Variants in TLR6 observed in about 807,000 individuals in gnomAD.
TLR6 encodes the protein toll like receptor 6, also known as toll-like receptor 6.
Under a neutral mutation model 16.1 loss-of-function variants are expected in TLR6, and 9 were observed. The ratio of observed to expected loss-of-function variants is 0.56; its 90% confidence interval spans 0.34 to 0.98. The LOEUF (loss-of-function observed/expected upper bound fraction) is 0.98, where lower values mean the gene tolerates loss of function less well. Ranked by LOEUF, TLR6 falls within the 50% of genes least tolerant of loss-of-function variation. The pLI, the probability that TLR6 is intolerant of heterozygous loss-of-function variation, is 0.02. For missense variants in TLR6, 786 were observed against 921.0 expected, an observed-to-expected ratio of 0.85 and a Z score of 1.90; for synonymous variants, 340 against 338.6, an observed-to-expected ratio of 1.00 and a Z score of -0.04.
At chr4:38,828,812 C>T (rs775963980) in exon 2 of TLR6, 1 of 1,613,826 alleles carries the variant, frequency 6.2e-7, no homozygotes, top group Admixed American at 1.7e-5. Context: ...TTGTAAGCAC[C>T]CTAAAGTATT....
At chr4:38,844,231 C>T (rs1712416048) in intron 1 of TLR6, among the ~76,000 whole-genome samples, 1 of 152,280 alleles carries the variant, frequency 6.6e-6, no homozygotes, top group African/African-American at 2.4e-5. Context: ...GACTGGAATA[C>T]TGGTAGCGGT....
At chr4:38,827,331 C>T (rs374402826) in exon 2 of TLR6, 11 of 1,613,938 alleles carry the variant, frequency 6.8e-6, no homozygotes, top group East Asian at 4.5e-5. Flanking sequence ...AAATAGAGTT[C>T]GTAATGGCAC....
chr4:38,823,828 G>T (rs73236629), exon 2 of TLR6: 22,299 of 152,226 alleles, frequency 0.15, 2,161 homozygotes, highest in Middle Eastern at 0.4. Flanking sequence ...GGGACGAGGT[G>T]CAGGGCCGCT....
At chr4:38,860,213 T>A (rs555815482), upstream of TLR6, among the ~76,000 whole-genome samples, 1 of 152,256 alleles carries the variant, frequency 6.6e-6, no homozygotes, top group African/African-American at 2.4e-5. Context: ...GGCTCACACT[T>A]GTAATCTCAG....
exon 2 of TLR6, chr4:38,826,980 G>T (rs1727569307): frequency 2.2e-6 from 2 of 921,426 alleles, no homozygotes; most frequent in African/African-American, 1.7e-5. Context: ...TTTCCTGAAG[G>T]CATGAGGATA....
chr4:38,855,786 T>C (rs144759155), intron 1 of TLR6, among the ~76,000 whole-genome samples: 3 of 152,344 alleles, frequency 2.0e-5, no homozygotes, highest in Admixed American at 2.0e-4. Flanking sequence ...GTAACTTTTC[T>C]ATTTATTGGG....
At chr4:38,835,529 T>G (rs957999550) in intron 1 of TLR6, among the ~76,000 whole-genome samples, 2 of 152,182 alleles carry the variant, frequency 1.3e-5, no homozygotes, top group African/African-American at 4.8e-5. Context: ...GGTTGGGAAC[T>G]TCAACATCCC....
chr4:38,836,337 G>A (rs1433747235), intron 1 of TLR6, among the ~76,000 whole-genome samples: 2 of 152,002 alleles, frequency 1.3e-5, no homozygotes, highest in African/African-American at 4.8e-5. Context: ...ATCATTGGAG[G>A]CAATTATGAA....
At chr4:38,867,191 G>A in the TLR6 span, among the ~76,000 whole-genome samples, 1 of 152,170 alleles carries the variant, frequency 6.6e-6, no homozygotes, top group African/African-American at 2.4e-5. Flanking sequence ...GGGACATTGA[G>A]ATTGTCTCCG....
At chr4:38,841,818 T>C (rs754859707) in intron 1 of TLR6, among the ~76,000 whole-genome samples, 7 of 152,202 alleles carry the variant, frequency 4.6e-5, no homozygotes, top group Non-Finnish European at 1.0e-4. Flanking sequence ...TTCCTGAGTG[T>C]TTACGCATGC....
chr4:38,825,592 G>A (rs1398910163), exon 2 of TLR6: 1 of 152,230 alleles, frequency 6.6e-6, no homozygotes, highest in African/African-American at 2.4e-5. Context: ...AGGGCCTTGA[G>A]TGTACCCCAC....
chr4:38,829,523 A>C, exon 2 of TLR6: 1 of 1,094,246 alleles, frequency 9.1e-7, no homozygotes, highest in East Asian at 2.4e-5. Context: ...GAGCATCTTG[A>C]TATGAGTCCA....
intron 1 of TLR6, among the ~76,000 whole-genome samples, chr4:38,855,023 C>A (rs1232460388): frequency 3.3e-5 from 5 of 151,900 alleles, no homozygotes; most frequent in South Asian, 2.1e-4. Flanking sequence ...TCCTGGCTAA[C>A]GGTGAAACCC....
chr4:38,856,380 A>G (rs904246976), intron 1 of TLR6, among the ~76,000 whole-genome samples: 2 of 152,244 alleles, frequency 1.3e-5, no homozygotes, highest in Non-Finnish European at 2.9e-5. Context: ...AAAAACATAT[A>G]ATAAATAGGT....
At chr4:38,837,899 C>T (rs1236037710) in intron 1 of TLR6, among the ~76,000 whole-genome samples, 3 of 151,874 alleles carry the variant, frequency 2.0e-5, no homozygotes, top group Admixed American at 2.0e-4. Flanking sequence ...AACTCAACAG[C>T]AAAAATAATA....
intron 1 of TLR6, among the ~76,000 whole-genome samples, chr4:38,847,374 T>C (rs755740830): frequency 7.2e-5 from 11 of 151,800 alleles, no homozygotes; most frequent in South Asian, 2.1e-4. Context: ...AGAAGATGGG[T>C]GATTTCTGCA....
Position 38,829,476 on chromosome 4 carries a change from T to A in TLR6, c.-3A>T, listed in dbSNP as rs777729102. ...ATAGGTTCTTTGTCTTTGGTCATGATGTTGCAGTGGCTATCCTAAAGGGTT... is the reference window on the plus strand; with the variant it reads ...ATAGGTTCTTTGTCTTTGGTCATGAAGTTGCAGTGGCTATCCTAAAGGGTT... On this transcript the variant is annotated 5_prime_UTR_variant, in exon 2 of 2. Coordinates refer to ENST00000436693, the Ensembl canonical transcript of TLR6. 3.1e-6 allele frequency: 5 copies of A among 1,590,594 alleles called. No homozygotes were observed. The South Asian group carries it at 5.6e-5, about 18-fold the overall frequency.
upstream of TLR6, among the ~76,000 whole-genome samples, chr4:38,858,715 G>A (rs1713086605): frequency 6.9e-6 from 1 of 144,044 alleles, no homozygotes; most frequent in African/African-American, 2.6e-5. Flanking sequence ...GTGAGACTCT[G>A]GCTCAAAAGA....
chr4:38,856,365 G>C (rs746435008), intron 1 of TLR6, among the ~76,000 whole-genome samples: 23 of 152,176 alleles, frequency 1.5e-4, no homozygotes, highest in Non-Finnish European at 1.0e-4. Flanking sequence ...ACACACGTCT[G>C]CTGTAAAAAC....
Sources: gnomAD v4.1 joint callset for allele counts (sites outside exome capture counted in the v4.1 genomes callset) on GRCh38, gnomAD v4.1.1 for gene constraint, MANE v1.5 for transcripts, NCBI Gene and HGNC (gene_info 2026-07-23, HGNC 2026-07-21) for gene names.